Variants in CNDP2 observed in about 807,000 individuals in gnomAD.
The protein encoded by CNDP2 is cytosolic non-specific dipeptidase.
Under a neutral mutation model 55.0 loss-of-function variants are expected in CNDP2, and 38 were observed. That is an observed-to-expected ratio of 0.69 (90% CI 0.53 to 0.90). CNDP2 has a LOEUF of 0.90. Ranked by LOEUF, CNDP2 falls within the 40% of genes least tolerant of loss-of-function variation. The pLI is 0.00. For missense variants in CNDP2, 607 were observed against 621.7 expected (o/e 0.98, Z 0.25); for synonymous variants, 241 against 260.2 (o/e 0.93, Z 0.71).
chr18:74,511,028 T>C lies in CNDP2; in HGVS notation c.657+15T>C, dbSNP rs762632101. The stretch of plus-strand genomic sequence containing the variant: ...TTTTCATCGAGGTACAGTGCCAAGC[T>C]GTACGGGTCACTTCTTTCTAACCCC... On this transcript the variant is annotated intron_variant, in intron 6 of 11. Transcript: ENST00000324262. 4 of 1,607,328 alleles carry C rather than the reference T, an allele frequency of 2.5e-6. No individual in the cohort carries two copies. The South Asian group carries it at 4.4e-5, about 18-fold the overall frequency.
At chr18:74,500,397 C>T (rs920048930) in intron 2 of CNDP2, among the ~76,000 whole-genome samples, 2 of 152,148 alleles carry the variant, frequency 1.3e-5, no homozygotes, top group Non-Finnish European at 2.9e-5. Flanking sequence ...AGTTATTCTT[C>T]GTACATACAT....
intron 7 of CNDP2, among the ~76,000 whole-genome samples, chr18:74,512,927 G>A (rs143957761): frequency 0.024 from 3,633 of 152,228 alleles, 59 homozygotes; most frequent in Middle Eastern, 0.12. Context: ...AGGTCCCCCC[G>A]CCTGATCAGC....
chr18:74,518,435 AC>A (rs1979838242), intron 9 of CNDP2, 63 bp from the exon 10 acceptor site: 3 of 1,597,114 alleles, frequency 1.9e-6, no homozygotes, highest in African/African-American at 1.3e-5. Context: ...CCCGTAGGTC[AC>A]TAGCACTGGA....
Position 74,521,526 on chromosome 18 carries a change from C to T in CNDP2, c.*1458C>T, listed in dbSNP as rs1205587266. ...CACATCGGAACGTAAGGATGCGCTC[C>T]TGAGGGCGTGGGGCTGCGTCCAAGG... On this transcript the variant is annotated 3_prime_UTR_variant, in exon 12 of 12. Coordinates refer to ENST00000324262, the MANE Select transcript of CNDP2 (RefSeq NM_018235.3). 1 of 152,258 alleles carries T rather than the reference C, an allele frequency of 6.6e-6. No individual in the cohort carries two copies. The highest frequency in any genetic ancestry group is 1.5e-5 in the Non-Finnish European group (1 of 68,072). 9.4% of individuals were successfully genotyped at this position (152,258 alleles called of 1,614,324 possible).
At chr18:74,502,969 G>A (rs1978792523) in intron 3 of CNDP2, among the ~76,000 whole-genome samples, 1 of 151,812 alleles carries the variant, frequency 6.6e-6, no homozygotes, top group Non-Finnish European at 1.5e-5. Flanking sequence ...ATTGACTTAG[G>A]GTATATTATA....
At position 74,513,656 on chromosome 18, in the gene CNDP2, C is replaced by T. The variant is rs201975044; in HGVS notation, c.840C>T (p.Ile280=). 88 of 1,613,976 alleles carry T rather than the reference C, an allele frequency of 5.5e-5. No individual in the cohort carries two copies. The highest frequency in any genetic ancestry group is 1.2e-4 in the Admixed American group (7 of 59,996). The change falls in exon 8 of 12, where the codon ATC becomes ATT. Residue 280 remains isoleucine (I), a synonymous_variant. Coordinates refer to ENST00000324262, the MANE Select transcript of CNDP2 (RefSeq NM_018235.3). ...AGGAGCACAAGCTGTACGACGACAT[C>T]GACTTTGACATAGAGGAGTTTGCCA... is the stretch of plus-strand genomic sequence containing the variant. ...TEEEHKLYDD[I]DFDIEEFAKD... is the part of the protein sequence containing the mutation.
At chr18:74,517,653 T>TA (rs1979761464) in intron 9 of CNDP2, 1 of 152,006 alleles carries the variant, frequency 6.6e-6, no homozygotes, top group African/African-American at 2.4e-5. Flanking sequence ...TCCTGAGAGC[T>TA]ACAGGTAGTG....
chr18:74,518,937 A>C lies in CNDP2; in HGVS notation c.1211-12A>C. The C allele has an allele frequency of 6.5e-7, 1 of 1,532,102 alleles. No homozygotes were observed. The highest frequency in any genetic ancestry group is 8.7e-7 in the Non-Finnish European group (1 of 1,145,786). The allele number at this position is 1,532,102 out of a possible 1,614,324, so 94.9% of individuals were successfully genotyped here. ...CAAAGCTCACCGTTTATTTTATTTC[A>C]TTTCCCCCCAGTTTTTGGTGTTGAG... On this transcript the variant is annotated splice_polypyrimidine_tract_variant and intron_variant, in intron 10 of 11. Transcript: ENST00000324262.
intron 9 of CNDP2, 172 bp downstream of exon 9, chr18:74,516,564 A>G: frequency 1.5e-6 from 1 of 681,100 alleles, no homozygotes; most frequent in Non-Finnish European, 2.4e-6. Flanking sequence ...ATCAAAGATA[A>G]TGCATCACAT....
intron 10 of CNDP2, 76 bp from the exon 11 acceptor site, chr18:74,518,873 T>A: frequency 6.3e-6 from 10 of 1,591,386 alleles, no homozygotes; most frequent in Non-Finnish European, 7.7e-6. Context: ...TGAGTGCTAC[T>A]GAGTAGTGGT....
intron 8 of CNDP2, 125 bp downstream of exon 8, chr18:74,513,844 C>T: frequency 3.1e-6 from 3 of 956,410 alleles, no homozygotes; most frequent in Admixed American, 5.5e-5. Flanking sequence ...GTCCGATGCA[C>T]ATGAGTCACT....
At position 74,501,452 on chromosome 18, in the gene CNDP2, G is replaced by A; in HGVS notation, c.184G>A (p.Val62Met). 1 of 1,613,766 alleles carries A rather than the reference G, an allele frequency of 6.2e-7. No homozygotes were observed. The highest frequency in any genetic ancestry group is 8.5e-7 in the Non-Finnish European group (1 of 1,179,844). ...GCAGTTGGGGGGCTCTGTGGAACTG[G>A]TGGATATCGGAAAACAAAAGGTAGG... ...VKQLGGSVEL[V>M]DIGKQKLPDG... Residue 62 changes from valine to methionine, a missense_variant, in exon 3 of 12, where the codon GTG becomes ATG. Coordinates refer to ENST00000324262, the MANE Select transcript of CNDP2 (RefSeq NM_018235.3).
At chr18:74,508,997 T>G in intron 5 of CNDP2, 69 bp downstream of exon 5, 1 of 1,283,738 alleles carries the variant, frequency 7.8e-7, no homozygotes, top group South Asian at 1.2e-5. Flanking sequence ...ACAGGCTCTC[T>G]GTTCACACAA....
In CNDP2 at chr18:74,501,430, G is replaced by T; in HGVS notation, c.162G>T (p.Gln54His). Reference sequence around the variant, plus strand: ...AAGTTGCTGCTGCAGATGTTAAGCAGTTGGGGGGCTCTGTGGAACTGGTGG... The same window carrying T: ...AAGTTGCTGCTGCAGATGTTAAGCATTTGGGGGGCTCTGTGGAACTGGTGG... The part of the protein sequence containing the change: ...MMEVAAADVK[Q>H]LGGSVELVDI... Residue 54 changes from glutamine (Q) to histidine (H), a missense_variant, in exon 3 of 12, where the codon CAG becomes CAT. Gln to His is a conservative substitution (Grantham distance 24, BLOSUM62 0). Transcript: ENST00000324262. The T allele has an allele frequency of 1.2e-6, 2 of 1,614,144 alleles. No individual in the cohort carries two copies. The highest frequency in any genetic ancestry group is 1.7e-6 in the Non-Finnish European group (2 of 1,179,996).
chr18:74,512,797 C>T (rs1399802281), intron 7 of CNDP2, among the ~76,000 whole-genome samples: 1 of 152,174 alleles, frequency 6.6e-6, no homozygotes, highest in African/African-American at 2.4e-5. Context: ...CAGTCACCCC[C>T]AGGTCCTGTC....
chr18:74,513,746 C>T (rs766925923), intron 8 of CNDP2, 27 bp downstream of exon 8: 2 of 1,605,490 alleles, frequency 1.2e-6, no homozygotes, highest in Admixed American at 1.7e-5. Flanking sequence ...GACTCTGCCA[C>T]CTGCCCAGGC....
intron 3 of CNDP2, among the ~76,000 whole-genome samples, chr18:74,504,164 G>A (rs1978876935): frequency 6.7e-6 from 1 of 148,628 alleles, no homozygotes; most frequent in South Asian, 2.1e-4. Context: ...GGGGCGTCAG[G>A]CCATACACTG....
intron 10 of CNDP2, 110 bp downstream of exon 10, chr18:74,518,750 G>T: frequency 6.7e-7 from 1 of 1,492,382 alleles, no homozygotes; most frequent in South Asian, 1.2e-5. Flanking sequence ...GCTGTATCGT[G>T]GGGGCGTGTA....
rs1978598224 is a variant in CNDP2 at position 74,499,907 on chromosome 18, CAG to C, written c.-66_-65del. The C allele has an allele frequency of 6.9e-7, 1 of 1,446,026 alleles. No homozygotes were observed. The highest frequency in any genetic ancestry group is 9.7e-7 in the Non-Finnish European group (1 of 1,030,402). The allele number at this position is 1,446,026 out of a possible 1,614,324, so 89.6% of individuals were successfully genotyped here. A position where few individuals can be genotyped will look rare whatever the true frequency, so the allele number is the denominator to read the frequency against. ...GTCGCCCCTCAGTCTCCACTAGAGA[CAG>C]GACTGACCAGTTGCTCTTCCTTCCA... On this transcript the variant is annotated 5_prime_UTR_variant, in exon 2 of 12. Coordinates refer to ENST00000324262, the MANE Select transcript of CNDP2 (RefSeq NM_018235.3).
Sources: allele counts gnomAD v4.1 joint callset (sites outside exome capture counted in the v4.1 genomes callset), GRCh38; gene constraint gnomAD v4.1.1; transcripts MANE v1.5; gene names NCBI Gene and HGNC (gene_info 2026-07-23, HGNC 2026-07-21).